Variants in ZNF438 observed in about 807,000 individuals in gnomAD.
ZNF438 encodes the protein zinc finger protein 438.
A neutral mutation model predicts 38.0 loss-of-function variants in ZNF438; 25 were observed. The observed-to-expected ratio is 0.66, with a 90% CI of 0.48 to 0.92. The LOEUF is 0.92. Ranked by LOEUF, ZNF438 falls within the 40% of genes least tolerant of loss-of-function variation. The pLI, the probability that ZNF438 is intolerant of heterozygous loss-of-function variation, is 0.00. For missense variants in ZNF438, 1,007 were observed against 999.6 expected (o/e 1.01, Z -0.10); for synonymous variants, 372 against 364.1 (o/e 1.02, Z -0.25).
intron 1 of ZNF438, among the ~76,000 whole-genome samples, chr10:31,022,592 T>C (rs898183845): frequency 5.9e-5 from 9 of 152,248 alleles, no homozygotes; most frequent in South Asian, 2.1e-4. Context: ...GGTGAAACCA[T>C]TACATCTGAG....
chr10:30,876,825 T>C (rs1056802148), intron 4 of ZNF438, among the ~76,000 whole-genome samples, 173 bp downstream of exon 5: 6 of 152,154 alleles, frequency 3.9e-5, no homozygotes, highest in Non-Finnish European at 8.8e-5. Context: ...AACTCAGGAA[T>C]CCATATACAC....
intron 4 of ZNF438, among the ~76,000 whole-genome samples, chr10:30,866,399 T>G (rs1369279047): frequency 2.0e-5 from 3 of 152,230 alleles, no homozygotes; most frequent in Non-Finnish European, 4.4e-5. Flanking sequence ...GAATGGAACT[T>G]GGCATTACAA....
chr10:31,012,668 A>G (rs1199478630), intron 1 of ZNF438, among the ~76,000 whole-genome samples: 1 of 151,972 alleles, frequency 6.6e-6, no homozygotes, highest in Non-Finnish European at 1.5e-5. Context: ...CTGTTCTTAA[A>G]TCTGTTAAGC....
intron 1 of ZNF438, among the ~76,000 whole-genome samples, chr10:31,016,485 T>C (rs1195762745): frequency 6.6e-6 from 1 of 152,204 alleles, no homozygotes; most frequent in Non-Finnish European, 1.5e-5. Context: ...AAAAAAAGAA[T>C]TTATTTCTCT....
At chr10:30,954,069 G>A (rs2048577385) in intron 1 of ZNF438, among the ~76,000 whole-genome samples, 1 of 152,112 alleles carries the variant, frequency 6.6e-6, no homozygotes, top group African/African-American at 2.4e-5. Flanking sequence ...CTTGAACCCG[G>A]GATGTGGAGG....
chr10:30,948,603 G>T (rs1211826814), intron 1 of ZNF438, among the ~76,000 whole-genome samples: 5 of 149,950 alleles, frequency 3.3e-5, no homozygotes, highest in Admixed American at 1.3e-4. Context: ...CGTGAAGAAT[G>T]CAGAAGCCTC....
chr10:30,948,034 C>A (rs2047655494), intron 1 of ZNF438, among the ~76,000 whole-genome samples: 1 of 151,592 alleles, frequency 6.6e-6, no homozygotes, highest in South Asian at 2.1e-4. Flanking sequence ...ATCTTGGCTC[C>A]TCCGCAGCTG....
Position 30,845,317 on chromosome 10 carries a change from C to G in ZNF438, c.2131G>C (p.Glu711Gln), listed in dbSNP as rs145811706. The G allele has an allele frequency of 2.8e-4, 450 of 1,614,150 alleles. No homozygotes were observed. The African/African-American group carries it at 5.3e-3, about 19-fold the overall frequency. The change falls in exon 6 of 6, where the codon GAG (glutamate) becomes CAG (glutamine). Residue 711 changes from glutamate to glutamine, a missense_variant. Glu to Gln is a conservative substitution (Grantham distance 29). Coordinates refer to ENST00000413025, the Ensembl canonical transcript of ZNF438. ...TCCTCGGAGGAGGAATGAACCTTCT[C>G]CGGCTTCCCTCTCTCAGGATGCCTT...
intron 1 of ZNF438, among the ~76,000 whole-genome samples, chr10:31,010,932 GAGA>G (rs1449772956): frequency 8.1e-6 from 1 of 122,924 alleles, no homozygotes; most frequent in Non-Finnish European, 1.7e-5. Flanking sequence ...AGATTTTGTT[GAGA>G]AGGACAGACA....
chr10:30,934,839 T>C (rs965125627), intron 2 of ZNF438, among the ~76,000 whole-genome samples: 2 of 152,216 alleles, frequency 1.3e-5, no homozygotes, highest in Non-Finnish European at 1.5e-5. Flanking sequence ...AAACAGGTAC[T>C]TGATATGTTG....
At chr10:30,911,981 A>T (rs1270664005) in intron 2 of ZNF438, among the ~76,000 whole-genome samples, 1 of 151,946 alleles carries the variant, frequency 6.6e-6, no homozygotes, top group Non-Finnish European at 1.5e-5. Flanking sequence ...TGAAAATATT[A>T]TTCCTTCTCT....
chr10:30,878,624 C>A (rs1026708422), intron 3 of ZNF438, among the ~76,000 whole-genome samples: 1 of 152,084 alleles, frequency 6.6e-6, no homozygotes, highest in Admixed American at 6.5e-5. Flanking sequence ...AGTGTAGACA[C>A]CCCACATGAC....
rs577362244 is a variant in ZNF438 at position 30,883,614 on chromosome 10, T to C, written c.-31-6549A>G. 3.3e-5 allele frequency among the ~76,000 whole-genome samples: 5 copies of C among 152,322 alleles called. No homozygotes were observed. The East Asian group carries it at 7.7e-4, about 23-fold the overall frequency. ...TGCCATATGCTGTGGCTCACGCCTGTAATCCCAACACTTTTGGGGGCAGAG... is the reference window on the plus strand; with the variant it reads ...TGCCATATGCTGTGGCTCACGCCTGCAATCCCAACACTTTTGGGGGCAGAG... On this transcript the variant is annotated intron_variant, in intron 3 of 5. Coordinates refer to ENST00000413025, the Ensembl canonical transcript of ZNF438.
chr10:30,996,246 A>AT (rs1268300275), intron 1 of ZNF438, among the ~76,000 whole-genome samples: 18 of 152,164 alleles, frequency 1.2e-4, no homozygotes, highest in African/African-American at 3.9e-4. Flanking sequence ...AAATCCAACT[A>AT]TATCAGTAAT....
intron 4 of ZNF438, among the ~76,000 whole-genome samples, chr10:30,868,867 T>A (rs1043242391): frequency 6.6e-6 from 1 of 152,256 alleles, no homozygotes; most frequent in Non-Finnish European, 1.5e-5. Flanking sequence ...AACTGCTTTC[T>A]ATCAAAGTAC....
At chr10:30,958,160 T>G (rs1462328635) in intron 1 of ZNF438, among the ~76,000 whole-genome samples, 1 of 146,428 alleles carries the variant, frequency 6.8e-6, no homozygotes, top group Non-Finnish European at 1.5e-5. Flanking sequence ...CTCCTCCCTA[T>G]TCACTCAACA....
At chr10:30,887,823 T>C (rs2040163630) in intron 3 of ZNF438, among the ~76,000 whole-genome samples, 2 of 152,188 alleles carry the variant, frequency 1.3e-5, no homozygotes, top group Admixed American at 1.3e-4. Context: ...TGCTCTTCTG[T>C]AATAAATTTC....
At chr10:30,862,852 G>C (rs143718899) in intron 4 of ZNF438, among the ~76,000 whole-genome samples, 6 of 152,032 alleles carry the variant, frequency 3.9e-5, no homozygotes, top group African/African-American at 1.5e-4. Context: ...CAAAATGCAG[G>C]GAACCAAAAT....
intron 2 of ZNF438, among the ~76,000 whole-genome samples, chr10:30,930,899 G>A (rs1218302819): frequency 6.8e-6 from 1 of 146,492 alleles, no homozygotes; most frequent in Non-Finnish European, 1.5e-5. Context: ...ATTTTTAATG[G>A]TTTGAAGTCA....
Sources: allele counts gnomAD v4.1 joint callset (sites outside exome capture counted in the v4.1 genomes callset), GRCh38; gene constraint gnomAD v4.1.1; transcripts MANE v1.5; gene names NCBI Gene and HGNC (gene_info 2026-07-23, HGNC 2026-07-21).